FSD1L: variants seen among roughly 807,000 people sequenced by gnomAD.
FSD1L encodes the protein FSD1-like protein.
In FSD1L, 45 loss-of-function variants were observed where a neutral mutation model predicts 71.6. That is an observed-to-expected ratio of 0.63 (90% confidence interval 0.49 to 0.81). The LOEUF (loss-of-function observed/expected upper bound fraction) is 0.81. Ranked by LOEUF, FSD1L falls within the 30% of genes least tolerant of loss-of-function variation. The pLI is 0.00. For synonymous variants in FSD1L, 197 were observed against 207.2 expected, an observed-to-expected ratio of 0.95 and a Z score of 0.42; for missense variants, 561 against 618.1, an observed-to-expected ratio of 0.91 and a Z score of 0.98.
Position 105,468,252 on chromosome 9 carries a change from A to G in FSD1L, c.267A>G (p.Ile89Met), listed in dbSNP as rs1369391202. ...AAGAATTTGATAGTTTATACTCTATACTGGATGAAGTAAAAGAAAGTATGA... is the reference window on the plus strand; with the variant it reads ...AAGAATTTGATAGTTTATACTCTATGCTGGATGAAGTAAAAGAAAGTATGA... ...LDEEFDSLYS[I>M]LDEVKESMIN... The change falls in exon 4 of 14, where the codon ATA becomes ATG. Residue 89 changes from isoleucine to methionine, a missense_variant. Ile to Met is a conservative substitution (Grantham distance 10). This residue lies in a region of FSD1L where 410 missense variants were observed against 413.5 expected (regional missense o/e 0.99). Coordinates refer to ENST00000481272, the MANE Select transcript of FSD1L (RefSeq NM_001145313.3). The G allele has an allele frequency of 6.8e-7, 1 of 1,480,626 alleles. No homozygotes were observed. The highest frequency in any genetic ancestry group is 8.9e-7 in the Non-Finnish European group (1 of 1,121,556). The allele number at this position is 1,480,626 out of a possible 1,614,324, so 91.7% of individuals were successfully genotyped here.
chr9:105,477,667 A>G (rs1294542101), intron 5 of FSD1L, among the ~76,000 whole-genome samples: 1 of 152,180 alleles, frequency 6.6e-6, no homozygotes, highest in Non-Finnish European at 1.5e-5. Flanking sequence ...TTCCTTTAAC[A>G]CTTACATTAA....
chr9:105,448,148 T>A lies in FSD1L; in HGVS notation c.-73T>A. 1 of 1,458,330 alleles carries A rather than the reference T, an allele frequency of 6.9e-7. No individual in the cohort carries two copies. Among genetic ancestry groups the A allele is most frequent in the African/African-American group, 1.4e-5 (1 of 69,250 alleles). The allele number at this position is 1,458,330 out of a possible 1,614,324, so 90.3% of individuals were successfully genotyped here. A position where few individuals can be genotyped will look rare whatever the true frequency, so the allele number is the denominator to read the frequency against. On this transcript the variant is annotated 5_prime_UTR_variant, in exon 1 of 14. Transcript: ENST00000481272. ...AGTGCAGTGAGTAGCGGTCTTGGGG[T>A]GTGCGATCTCGCTGAGCCTCCTCAC...
chr9:105,541,656 A>C (rs1373065781), intron 13 of FSD1L, among the ~76,000 whole-genome samples: 1 of 152,148 alleles, frequency 6.6e-6, no homozygotes, highest in Non-Finnish European at 1.5e-5. Context: ...TTTTTAAGTC[A>C]GTTTTATTGA....
Position 105,468,225 on chromosome 9 carries a change from T to C in FSD1L, c.240T>C (p.Asp80=). The C allele has an allele frequency of 1.4e-6, 2 of 1,438,092 alleles. No homozygotes were observed. Among genetic ancestry groups the C allele is most frequent in the Non-Finnish European group, 9.1e-7 (1 of 1,099,692 alleles). 89.1% of individuals were successfully genotyped at this position (1,438,092 alleles called of 1,614,324 possible). Residue 80 remains aspartate, a synonymous_variant, in exon 4 of 14, where the codon GAT becomes GAC. Coordinates refer to ENST00000481272, the MANE Select transcript of FSD1L (RefSeq NM_001145313.3). The stretch of plus-strand genomic sequence containing the variant: ...CGTCCAACATACTCTCAGAGTTAGA[T>C]GAAGAATTTGATAGTTTATACTCTA... ...ENSSNILSEL[D]EEFDSLYSIL...
upstream of FSD1L, among the ~76,000 whole-genome samples, chr9:105,446,476 C>T (rs1370895308): frequency 2.0e-5 from 3 of 152,168 alleles, no homozygotes; most frequent in Middle Eastern, 3.4e-3. Flanking sequence ...GTGATCCTCC[C>T]GCTTCAGCCT....
At chr9:105,494,193 T>C (rs1367535784) in intron 7 of FSD1L, among the ~76,000 whole-genome samples, 1 of 152,144 alleles carries the variant, frequency 6.6e-6, no homozygotes, top group Non-Finnish European at 1.5e-5. Context: ...GGAGGCTTTG[T>C]TCATTTCTTT....
rs765288186 is a variant in FSD1L at position 105,549,355 on chromosome 9, C to T, written c.*2872C>T. ...AATTTTTTTACAATTCATTTTGACT[C>T]TCATGGCTGACCATGTCATTATGTC... On this transcript the variant is annotated 3_prime_UTR_variant, in exon 14 of 14. Transcript: ENST00000481272. 30 of 152,170 alleles carry T rather than the reference C, an allele frequency of 2.0e-4. No homozygotes were observed. The highest frequency in any genetic ancestry group is 3.5e-4 in the Non-Finnish European group (24 of 67,924). The allele number at this position is 152,170 out of a possible 1,614,324, so 9.4% of individuals were successfully genotyped here.
intron 7 of FSD1L, among the ~76,000 whole-genome samples, chr9:105,501,596 ATT>A (rs5899666): frequency 1.3e-3 from 174 of 133,368 alleles, no homozygotes; most frequent in African/African-American, 2.4e-3. Context: ...CTAATTTTTA[ATT>A]TTTTTTTTTT....
intron 6 of FSD1L, 104 bp downstream of exon 6, chr9:105,479,480 C>T (rs1832029161): frequency 3.2e-6 from 3 of 927,886 alleles, no homozygotes; most frequent in Admixed American, 2.4e-5. Context: ...GATAAAAGTA[C>T]CCAATGACCA....
chr9:105,489,396 A>G (rs1193997746), intron 7 of FSD1L, among the ~76,000 whole-genome samples: 1 of 152,186 alleles, frequency 6.6e-6, no homozygotes, highest in African/African-American at 2.4e-5. Flanking sequence ...AATACAAATT[A>G]TATTTAAAGA....
Position 105,520,000 on chromosome 9 carries a change from C to G in FSD1L, c.1025+7064C>G, listed in dbSNP as rs1049804217. On this transcript the variant is annotated intron_variant, in intron 10 of 13. Transcript: ENST00000481272. ...TGGATCGGGGAGGAGTCGGCTCTGC[C>G]CTGGCCCGCAAGGCTGGGGAGCTAA... The G allele has an allele frequency of 2.1e-6, 3 of 1,415,938 alleles. No homozygotes were observed. The African/African-American group carries it at 4.3e-5, about 20-fold the overall frequency. 87.7% of individuals were successfully genotyped at this position (1,415,938 alleles called of 1,614,324 possible).
intron 7 of FSD1L, among the ~76,000 whole-genome samples, chr9:105,489,928 A>AAT (rs1180246933): frequency 2.6e-5 from 4 of 152,144 alleles, no homozygotes; most frequent in Non-Finnish European, 5.9e-5. Flanking sequence ...GGTTGGTTCC[A>AAT]AGTCTTTGCT....
intron 3 of FSD1L, among the ~76,000 whole-genome samples, chr9:105,466,345 A>G (rs980606632): frequency 6.6e-6 from 1 of 152,234 alleles, no homozygotes; most frequent in South Asian, 2.1e-4. Flanking sequence ...TCTCTATCCA[A>G]ATACCAATGT....
At chr9:105,472,097 G>GATTTCTAATACTA in intron 5 of FSD1L, 92 bp downstream of exon 5, 1 of 1,319,800 alleles carries the variant, frequency 7.6e-7, no homozygotes, top group Non-Finnish European at 9.9e-7. Context: ...TTTCTTTACT[G>GATTTCTAATACTA]ATTTCTAATA....
rs186492017 is a variant in FSD1L at position 105,474,437 on chromosome 9, G to C, written c.441+2432G>C. Among the ~76,000 whole-genome samples, 6 of 152,264 alleles carry C rather than the reference G, an allele frequency of 3.9e-5. No homozygotes were observed. The East Asian group carries it at 9.6e-4, about 24-fold the overall frequency. On this transcript the variant is annotated intron_variant, in intron 5 of 13. Transcript: ENST00000481272. ...AAAAATGCTTAACTGAGAGCTGCTT[G>C]CAATTATTTTCTTCATATGTCCAAA... is the stretch of plus-strand genomic sequence containing the variant.
chr9:105,451,725 C>T (rs1830017126), intron 1 of FSD1L, among the ~76,000 whole-genome samples: 1 of 152,114 alleles, frequency 6.6e-6, no homozygotes, highest in Admixed American at 6.5e-5. Context: ...TGCCTTTAAA[C>T]GGCTTTAAGA....
intron 6 of FSD1L, among the ~76,000 whole-genome samples, chr9:105,483,077 G>T (rs1176058577): frequency 2.0e-5 from 3 of 152,132 alleles, no homozygotes; most frequent in Non-Finnish European, 2.9e-5. Flanking sequence ...TGTATTATTT[G>T]AGAGACGGGT....
intron 3 of FSD1L, among the ~76,000 whole-genome samples, chr9:105,466,712 T>A (rs1253079663): frequency 6.6e-6 from 1 of 151,674 alleles, no homozygotes; most frequent in Non-Finnish European, 1.5e-5. Flanking sequence ...AAAAAATAAT[T>A]ATTTTAGCTA....
At chr9:105,472,117 C>G (rs1831517368) in intron 5 of FSD1L, 112 bp downstream of exon 5, 2 of 1,235,850 alleles carry the variant, frequency 1.6e-6, no homozygotes, top group Non-Finnish European at 1.0e-6. Flanking sequence ...ACTAATAAAG[C>G]CTTGGGGTTT....
Sources: allele counts gnomAD v4.1 joint callset (sites outside exome capture counted in the v4.1 genomes callset), GRCh38; gene constraint gnomAD v4.1.1; regional missense constraint gnomAD v4.1.1; transcripts MANE v1.5; gene names NCBI Gene and HGNC (gene_info 2026-07-23, HGNC 2026-07-21).